The following TRAK1 variants were observed in gnomAD, a reference collection of about 807,000 sequenced individuals.
TRAK1 encodes trafficking kinesin-binding protein 1.
A neutral mutation model predicts 92.1 loss-of-function variants in TRAK1; 33 were observed. The observed-to-expected ratio is 0.36, with a 90% confidence interval of 0.27 to 0.48. The LOEUF (loss-of-function observed/expected upper bound fraction) is 0.48, where lower values mean the gene tolerates loss of function less well. Ranked by LOEUF, TRAK1 falls within the 20% of genes least tolerant of loss-of-function variation. TRAK1 has a pLI of 0.99. For missense variants in TRAK1, 1,123 were observed against 1,257.9 expected, an observed-to-expected ratio of 0.89 and a Z score of 1.62; for synonymous variants, 521 against 517.3, an observed-to-expected ratio of 1.01 and a Z score of -0.10.
intron 10 of TRAK1, among the ~76,000 whole-genome samples, chr3:42,196,645 C>G (rs1179714076): frequency 6.7e-6 from 1 of 149,310 alleles, no homozygotes; most frequent in African/African-American, 2.5e-5. Flanking sequence ...TCAAGCGATT[C>G]TCCTGCCTCA....
At chr3:42,197,827 A>G (rs1224427731) in intron 10 of TRAK1, among the ~76,000 whole-genome samples, 1 of 152,226 alleles carries the variant, frequency 6.6e-6, no homozygotes, top group Non-Finnish European at 1.5e-5. Context: ...GAGCATCCGC[A>G]TGGACCATGA....
intron 1 of TRAK1, among the ~76,000 whole-genome samples, chr3:42,092,433 C>A (rs1231517229): frequency 6.6e-6 from 1 of 152,176 alleles, no homozygotes; most frequent in Non-Finnish European, 1.5e-5. Context: ...CTTACTGAGG[C>A]AATCGTACTT....
intron 1 of TRAK1, among the ~76,000 whole-genome samples, chr3:42,092,750 T>C (rs1218080731): frequency 4.0e-5 from 6 of 149,830 alleles, no homozygotes; most frequent in Admixed American, 3.4e-4. Flanking sequence ...TATGTTATGT[T>C]ATGTTATGTT....
chr3:42,185,765 G>A (rs1438958541), intron 4 of TRAK1, among the ~76,000 whole-genome samples: 1 of 146,544 alleles, frequency 6.8e-6, no homozygotes, highest in Non-Finnish European at 1.5e-5. Context: ...TCCACCCCCC[G>A]AGTTCAAGCT....
At chr3:42,061,231 C>T (rs1186202359) in intron 1 of TRAK1, among the ~76,000 whole-genome samples, 101 of 152,014 alleles carry the variant, frequency 6.6e-4, no homozygotes, top group Non-Finnish European at 1.2e-4. Context: ...CTTAAGTTTT[C>T]AAGTGATGGG....
At chr3:42,149,191 C>T (rs1282153313) in intron 2 of TRAK1, 5 of 1,058,966 alleles carry the variant, frequency 4.7e-6, no homozygotes, top group South Asian at 4.1e-5. Context: ...GTGTCTCTGA[C>T]GTCACCCTCT....
chr3:42,082,700 A>C (rs1055028095), upstream of TRAK1, among the ~76,000 whole-genome samples: 2 of 152,166 alleles, frequency 1.3e-5, no homozygotes, highest in Non-Finnish European at 2.9e-5. Flanking sequence ...GATTTAAATG[A>C]AACTGTCTTA....
chr3:42,019,505 C>T (rs1017749236), intron 1 of TRAK1, among the ~76,000 whole-genome samples: 5 of 152,252 alleles, frequency 3.3e-5, no homozygotes, highest in East Asian at 1.9e-4. Context: ...TAGCTTCAAG[C>T]GATCCTTCTG....
intron 1 of TRAK1, among the ~76,000 whole-genome samples, chr3:42,050,447 C>T (rs1702934381): frequency 6.6e-6 from 1 of 152,018 alleles, no homozygotes; most frequent in African/African-American, 2.4e-5. Flanking sequence ...CCTGATTCTC[C>T]CTTACTACCC....
chr3:42,111,092 C>T (rs1708337934), intron 1 of TRAK1, among the ~76,000 whole-genome samples: 1 of 152,150 alleles, frequency 6.6e-6, no homozygotes. Flanking sequence ...GTCAGTCCAT[C>T]TGGGATCAGA....
intron 10 of TRAK1, among the ~76,000 whole-genome samples, chr3:42,197,697 A>G (rs529881294): frequency 6.6e-6 from 1 of 152,338 alleles, no homozygotes; most frequent in South Asian, 2.1e-4. Flanking sequence ...GTGGGTAATA[A>G]TTACAAAATA....
chr3:42,172,659 C>T (rs1182326326), intron 2 of TRAK1, among the ~76,000 whole-genome samples: 1 of 152,192 alleles, frequency 6.6e-6, no homozygotes, highest in Non-Finnish European at 1.5e-5. Context: ...GAGCCCCATC[C>T]TCCAGGCTGC....
Position 42,200,935 on chromosome 3 carries a change from C to T in TRAK1, c.1308C>T (p.Ser436=), listed in dbSNP as rs764673763. The change falls in exon 12 of 16, where the codon TCC becomes TCT. Residue 436 remains serine (S), a synonymous_variant. Transcript: ENST00000327628. ...PGSNQSSAMN[S]LLSSCVSTPR... ...CCAACCAGTCCTCGGCCATGAACTCCCTCCTGTCCAGCTGCGTCAGCACCC... is the reference window on the plus strand; with the variant it reads ...CCAACCAGTCCTCGGCCATGAACTCTCTCCTGTCCAGCTGCGTCAGCACCC... The T allele has an allele frequency of 2.5e-6, 4 of 1,614,196 alleles. No homozygotes were observed. Among genetic ancestry groups the T allele is most frequent in the Non-Finnish European group, 2.5e-6 (3 of 1,180,042 alleles).
chr3:42,193,685 TA>T, intron 8 of TRAK1, 138 bp from the exon 9 acceptor site: 1 of 947,354 alleles, frequency 1.1e-6, no homozygotes, highest in Middle Eastern at 3.0e-4. Context: ...CAAAATAATA[TA>T]AAAAGCAGAA....
chr3:42,179,269 C>T (rs775948336), intron 3 of TRAK1, among the ~76,000 whole-genome samples: 39 of 152,346 alleles, frequency 2.6e-4, no homozygotes, highest in Middle Eastern at 6.8e-3. Context: ...TAAAGTCTAA[C>T]TGTCCCAGTC....
chr3:42,219,193 A>AC (rs886513159), intron 14 of TRAK1: 3 of 905,906 alleles, frequency 3.3e-6, no homozygotes, highest in Admixed American at 7.1e-5. Flanking sequence ...CCATTACCCC[A>AC]CCCCCCTCGC....
intron 1 of TRAK1, among the ~76,000 whole-genome samples, chr3:42,022,943 G>C (rs1250404882): frequency 6.6e-6 from 1 of 151,862 alleles, no homozygotes; most frequent in African/African-American, 2.4e-5. Flanking sequence ...CGGATCACGA[G>C]GTCAGGAGTT....
chr3:42,219,447 TG>T (rs1247205890), intron 14 of TRAK1, 46 bp from the exon 15 acceptor site: 1 of 1,613,430 alleles, frequency 6.2e-7, no homozygotes, highest in East Asian at 2.2e-5. Flanking sequence ...ATTTTTATTG[TG>T]GTTGTACTTG....
At chr3:42,218,292 A>G in intron 14 of TRAK1, 1 of 985,302 alleles carries the variant, frequency 1.0e-6, no homozygotes, top group East Asian at 1.1e-4. Flanking sequence ...CCTTTTTGTC[A>G]AATCCAAGAG....
Sources: allele counts gnomAD v4.1 joint callset (sites outside exome capture counted in the v4.1 genomes callset), GRCh38; gene constraint gnomAD v4.1.1; transcripts MANE v1.5; gene names NCBI Gene and HGNC (gene_info 2026-07-23, HGNC 2026-07-21).